The following PTPRE variants were observed in gnomAD, a reference collection of about 807,000 sequenced individuals.
The protein encoded by PTPRE is receptor-type tyrosine-protein phosphatase epsilon.
A neutral mutation model predicts 102.0 loss-of-function variants in PTPRE; 51 were observed. The observed-to-expected ratio is 0.50, with a 90% CI of 0.40 to 0.63. The LOEUF (loss-of-function observed/expected upper bound fraction) is 0.63, where lower values mean the gene tolerates loss of function less well. PTPRE is among the 30% of genes least tolerant of loss of function. PTPRE has a pLI of 0.00. For synonymous variants in PTPRE, 345 were observed against 348.2 expected (o/e 0.99, Z 0.10); for missense variants, 752 against 915.1 (o/e 0.82, Z 2.30).
At chr10:127,976,844 C>T (rs1421734661) in intron 1 of PTPRE, among the ~76,000 whole-genome samples, 1 of 152,198 alleles carries the variant, frequency 6.6e-6, no homozygotes, top group African/African-American at 2.4e-5. Flanking sequence ...AGTATGATAT[C>T]AGTGCGAATC....
intron 10 of PTPRE, among the ~76,000 whole-genome samples, chr10:128,065,222 T>C (rs1456285363): frequency 6.6e-6 from 1 of 152,238 alleles, no homozygotes; most frequent in East Asian, 1.9e-4. Flanking sequence ...TTCATAAGAC[T>C]GTTAATCCTG....
chr10:127,937,571 AC>A (rs2135272514), intron 1 of PTPRE, among the ~76,000 whole-genome samples: 1 of 152,322 alleles, frequency 6.6e-6, no homozygotes, highest in East Asian at 1.9e-4. Context: ...AAAATAAGCT[AC>A]TTGTGGCTGG....
chr10:128,007,555 C>A (rs1393275829), intron 2 of PTPRE, among the ~76,000 whole-genome samples: 4 of 152,204 alleles, frequency 2.6e-5, no homozygotes, highest in Non-Finnish European at 4.4e-5. Flanking sequence ...CCATACTTGT[C>A]CCGATAAAAT....
rs760370961 is a variant in PTPRE, at chr10:128,073,316, C to T, written c.1465-21C>T. Reference sequence around the variant, plus strand: ...AGGATGGAAGGAAGTCAGACTCTAACCTCTGCGCCTCCATTTGAAGGGCTA... The same window carrying T: ...AGGATGGAAGGAAGTCAGACTCTAATCTCTGCGCCTCCATTTGAAGGGCTA... On this transcript the variant is annotated intron_variant, in intron 16 of 20. Transcript: ENST00000254667. 2.5e-6 allele frequency: 4 copies of T among 1,613,416 alleles called. No homozygotes were observed. In the African/African-American group the frequency reaches 4.0e-5, roughly 16 times the overall value.
chr10:128,022,421 G>A (rs973257019), intron 2 of PTPRE, among the ~76,000 whole-genome samples: 26 of 152,240 alleles, frequency 1.7e-4, no homozygotes, highest in African/African-American at 3.1e-4. Flanking sequence ...TTGTCCAGGC[G>A]TTTTGTGAAG....
intron 2 of PTPRE, among the ~76,000 whole-genome samples, chr10:128,023,488 A>G (rs1846073371): frequency 6.6e-6 from 1 of 152,088 alleles, no homozygotes; most frequent in South Asian, 2.1e-4. Flanking sequence ...GCACGTTTAC[A>G]TGACTTCCAT....
chr10:128,047,446 C>T lies in PTPRE; in HGVS notation c.166C>T (p.Leu56=). 4.3e-6 allele frequency: 7 copies of T among 1,613,370 alleles called. No homozygotes were observed. The highest frequency in any genetic ancestry group is 5.9e-6 in the Non-Finnish European group (7 of 1,180,034). ...GCTGGCCTGGCTGCTACTGCCGCTG[C>T]TGCTCCTCCTCCTCGTGCTCCTTCT... ...PLLAWLLLPL[L]LLLLVLLLAA... The change falls in exon 4 of 21, where the codon CTG becomes TTG. Residue 56 remains leucine, a synonymous_variant. Coordinates refer to ENST00000254667, the MANE Select transcript of PTPRE (RefSeq NM_006504.6).
chr10:127,950,184 CAT>C (rs1368906908), intron 1 of PTPRE, among the ~76,000 whole-genome samples: 1 of 151,916 alleles, frequency 6.6e-6, no homozygotes, highest in Non-Finnish European at 1.5e-5. Context: ...ATTCGGGGAA[CAT>C]GTGTGGGAGT....
At chr10:127,942,989 C>T (rs1434913422) in intron 1 of PTPRE, among the ~76,000 whole-genome samples, 2 of 152,160 alleles carry the variant, frequency 1.3e-5, no homozygotes, top group African/African-American at 4.8e-5. Flanking sequence ...ATTTTAATCA[C>T]GTGGGCCAGG....
In PTPRE at chr10:128,070,326, C is replaced by A; in HGVS notation, c.1169C>A (p.Ala390Asp). 1 of 1,613,282 alleles carries A rather than the reference C, an allele frequency of 6.2e-7. No individual in the cohort carries two copies. The highest frequency in any genetic ancestry group is 8.5e-7 in the Non-Finnish European group (1 of 1,179,632). ...TDMQYTFIYQALLEYYLYGDT... is the reference protein window; with the variant it reads ...TDMQYTFIYQDLLEYYLYGDT... ...ATGCAGTACACGTTCATCTACCAAG[C>A]CTTACTCGAGTACTACCTCTACGGG... The change falls in exon 14 of 21, where the codon GCC becomes GAC. Residue 390 changes from alanine to aspartate, a missense_variant. This residue lies in a region of PTPRE where 636 missense variants were observed against 824.4 expected (regional missense o/e 0.77). Transcript: ENST00000254667. This position sits in a 1 kb window ranked among gnomAD's most constrained non-coding sequence, Gnocchi z 4.8.
intron 17 of PTPRE, among the ~76,000 whole-genome samples, 192 bp downstream of exon 17, chr10:128,073,663 G>A (rs1850975679): frequency 6.6e-6 from 1 of 152,218 alleles, no homozygotes; most frequent in African/African-American, 2.4e-5. Context: ...TGGGAGTGAG[G>A]TTTAACCATA....
intron 6 of PTPRE, among the ~76,000 whole-genome samples, chr10:128,055,036 C>T (rs1440387455): frequency 1.3e-5 from 2 of 152,122 alleles, no homozygotes; most frequent in Non-Finnish European, 2.9e-5. Flanking sequence ...AAAACGGGGA[C>T]CATCCTAGTA....
chr10:128,062,924 C>T lies in PTPRE; in HGVS notation c.626-159C>T, dbSNP rs888084869. The T allele has an allele frequency of 2.6e-5, 34 of 1,319,374 alleles. No individual in the cohort carries two copies. The African/African-American group carries it at 3.4e-4, about 13-fold the overall frequency. 81.7% of individuals were successfully genotyped at this position (1,319,374 alleles called of 1,614,324 possible). On this transcript the variant is annotated intron_variant, in intron 9 of 20. Transcript: ENST00000254667. ...GAGTGGCAGGACAGGCAGCCCCTAC[C>T]GGTTCCGGAACGCTTCAGGGCATGA...
rs760971023 is a variant in PTPRE at position 128,066,145 on chromosome 10, A to T, written c.794A>T (p.Asp265Val). ...GGAAACATCCGGGTGTGCGTGGAGGACTGCGTGGTTTTGGTCGACTACACC... is the reference window on the plus strand; with the variant it reads ...GGAAACATCCGGGTGTGCGTGGAGGTCTGCGTGGTTTTGGTCGACTACACC... The part of the protein sequence containing the change: ...TYGNIRVCVE[D>V]CVVLVDYTIR... Residue 265 changes from aspartate to valine, a missense_variant, in exon 11 of 21, where the codon GAC becomes GTC. Coordinates refer to ENST00000254667, the MANE Select transcript of PTPRE (RefSeq NM_006504.6). 1 of 1,614,052 alleles carries T rather than the reference A, an allele frequency of 6.2e-7. No individual in the cohort carries two copies. The highest frequency in any genetic ancestry group is 8.5e-7 in the Non-Finnish European group (1 of 1,180,036).
At chr10:128,022,496 C>G (rs915455046) in intron 2 of PTPRE, among the ~76,000 whole-genome samples, 3 of 152,226 alleles carry the variant, frequency 2.0e-5, no homozygotes, top group Admixed American at 6.5e-5. Flanking sequence ...TGGCCTGCCC[C>G]GTGCTGACTC....
chr10:128,077,763 C>T lies in PTPRE; in HGVS notation c.1872C>T (p.His624=). The part of the protein sequence containing the change: ...VQKQQQQTGN[H]PITVHCSAGA... ...AGCAGCAGCAGCAGACAGGCAACCA[C>T]CCCATCACCGTGCACTGCAGGTGAG... The change falls in exon 19 of 21, where the codon CAC becomes CAT. Residue 624 remains histidine (H), a synonymous_variant. Transcript: ENST00000254667. 1.2e-6 allele frequency: 2 copies of T among 1,604,386 alleles called. No homozygotes were observed. The highest frequency in any genetic ancestry group is 1.7e-6 in the Non-Finnish European group (2 of 1,172,066).
chr10:128,049,737 G>A (rs1167969409), intron 6 of PTPRE, 71 bp downstream of exon 6: 2 of 1,597,008 alleles, frequency 1.3e-6, no homozygotes, highest in African/African-American at 1.3e-5. Context: ...TTAGAGTTCA[G>A]GATGAATTAT....
At position 127,910,654 on chromosome 10, in the gene PTPRE, C is replaced by T. The variant is rs567753689; in HGVS notation, c.-31+3345C>T. 1.2e-4 allele frequency among the ~76,000 whole-genome samples: 19 copies of T among 152,322 alleles called. No individual in the cohort carries two copies. The South Asian group carries it at 3.7e-3, about 30-fold the overall frequency. On this transcript the variant is annotated intron_variant, in intron 1 of 20. Coordinates refer to ENST00000254667, the MANE Select transcript of PTPRE (RefSeq NM_006504.6). The stretch of plus-strand genomic sequence containing the variant: ...TGTTCTCTAGAATGGGAGTAATCAT[C>T]GCTACTTCCCAGGGCTGCTGCTGTG...
chr10:128,029,504 C>A (rs1240114650), intron 2 of PTPRE, among the ~76,000 whole-genome samples: 2 of 152,180 alleles, frequency 1.3e-5, no homozygotes, highest in Non-Finnish European at 2.9e-5. Flanking sequence ...TCGGCTACAG[C>A]AGATGAGAAG....
Sources: allele counts gnomAD v4.1 joint callset (sites outside exome capture counted in the v4.1 genomes callset), GRCh38; gene constraint gnomAD v4.1.1; regional missense constraint gnomAD v4.1.1; non-coding constraint Gnocchi (gnomAD v3.1); transcripts MANE v1.5; gene names NCBI Gene and HGNC (gene_info 2026-07-23, HGNC 2026-07-21).